VPS9D1: variants seen among roughly 807,000 people sequenced by gnomAD.
VPS9D1 encodes the protein VPS9 domain-containing protein 1.
VPS9D1 carries 78 observed loss-of-function variants against 75.8 expected under a neutral mutation model. The ratio of observed to expected loss-of-function variants is 1.03; its 90% CI spans 0.86 to 1.24. VPS9D1 has a LOEUF of 1.24. Ranked by LOEUF, VPS9D1 falls within the 50% of genes most tolerant of loss-of-function variation. VPS9D1 has a pLI of 0.00. For synonymous variants in VPS9D1, 481 were observed against 385.6 expected (o/e 1.25, Z -2.90); for missense variants, 1,057 against 847.7 (o/e 1.25, Z -3.07).
chr16:89,712,276 A>G, intron 6 of VPS9D1, 177 bp from the exon 7 acceptor site: 2 of 1,320,652 alleles, frequency 1.5e-6, no homozygotes, highest in Admixed American at 2.3e-5. Flanking sequence ...GGGCCGGGCC[A>G]GAGAACATGG....
chr16:89,708,644 C>T lies in VPS9D1; in HGVS notation c.1698-113G>A, dbSNP rs992069225. 3.6e-5 allele frequency: 45 copies of T among 1,233,106 alleles called. No individual in the cohort carries two copies. The Middle Eastern group carries it at 1.0e-3, about 28-fold the overall frequency. The allele number at this position is 1,233,106 out of a possible 1,614,324, so 76.4% of individuals were successfully genotyped here. A position where few individuals can be genotyped will look rare whatever the true frequency, so the allele number is the denominator to read the frequency against. On this transcript the variant is annotated intron_variant, in intron 13 of 14. Coordinates refer to ENST00000389386, the MANE Select transcript of VPS9D1 (RefSeq NM_004913.3). ...TGGCCGCCATCTCTGTGCCCTTCTG[C>T]GCAGAGGCACCGGAAGGCAGCTGGG...
intron 2 of VPS9D1, 58 bp downstream of exon 2, chr16:89,718,969 C>G: frequency 6.8e-7 from 1 of 1,471,710 alleles, no homozygotes; most frequent in Non-Finnish European, 9.4e-7. Flanking sequence ...CCGCCTCTGC[C>G]TCCCACAGTG....
At chr16:89,711,099 C>A in intron 9 of VPS9D1, 89 bp from the exon 10 acceptor site, 1 of 1,330,490 alleles carries the variant, frequency 7.5e-7, no homozygotes, top group Non-Finnish European at 9.9e-7. Flanking sequence ...TTCAGAGAAG[C>A]GACTTGCATT....
rs187022305 is a variant in VPS9D1, at chr16:89,708,326, C to T, written c.1802+101G>A. ...AAGGCATGGCTGTGACGGAGCCACACGCTACCCTCCCCAGCTGCTACTGAC... is the reference window on the plus strand; with the variant it reads ...AAGGCATGGCTGTGACGGAGCCACATGCTACCCTCCCCAGCTGCTACTGAC... On this transcript the variant is annotated intron_variant, in intron 14 of 14. Coordinates refer to ENST00000389386, the MANE Select transcript of VPS9D1 (RefSeq NM_004913.3). 1.9e-4 allele frequency: 232 copies of T among 1,191,466 alleles called. 2 individuals are homozygous for T. The highest frequency in any genetic ancestry group is 1.1e-4 in the Admixed American group (5 of 46,664). 73.8% of individuals were successfully genotyped at this position (1,191,466 alleles called of 1,614,324 possible). A position where few individuals can be genotyped will look rare whatever the true frequency, so the allele number is the denominator to read the frequency against.
At chr16:89,719,661 C>CT (rs1269628375) in intron 1 of VPS9D1, among the ~76,000 whole-genome samples, 1 of 152,166 alleles carries the variant, frequency 6.6e-6, no homozygotes, top group Non-Finnish European at 1.5e-5. Context: ...GAACTGTTAC[C>CT]TTTCAAGGCT....
rs554524289 is a variant in VPS9D1 at position 89,711,866 on chromosome 16, C to A, written c.747+16G>T. ...CTGGGCTCCTCCTACAAAGCCTGGG[C>A]CCGTGGGGGACGCACATGGTCCTGT... is the stretch of plus-strand genomic sequence containing the variant. On this transcript the variant is annotated intron_variant, in intron 8 of 14. Coordinates refer to ENST00000389386, the MANE Select transcript of VPS9D1 (RefSeq NM_004913.3). 10 of 1,549,610 alleles carry A rather than the reference C, an allele frequency of 6.5e-6. No homozygotes were observed. Among genetic ancestry groups the A allele is most frequent in the Non-Finnish European group, 8.7e-6 (10 of 1,146,208 alleles).
At chr16:89,712,563 C>G (rs761161828) in intron 5 of VPS9D1, 41 bp from the exon 6 acceptor site, 2 of 1,609,454 alleles carry the variant, frequency 1.2e-6, no homozygotes, top group South Asian at 2.2e-5. Context: ...CCCCTCTGCC[C>G]CGCGCCCACG....
rs771189332 is a variant in VPS9D1 at position 89,710,660 on chromosome 16, C to A, written c.1184G>T (p.Arg395Leu). 9 of 1,611,574 alleles carry A rather than the reference C, an allele frequency of 5.6e-6. No individual in the cohort carries two copies. The African/African-American group carries it at 1.1e-4, about 19-fold the overall frequency. The change falls in exon 10 of 15, where the codon CGG becomes CTG. Residue 395 changes from arginine to leucine, a missense_variant. Coordinates refer to ENST00000389386, the MANE Select transcript of VPS9D1 (RefSeq NM_004913.3). ...GGGCTCCGGCTGTACCCCACGGCCC[C>A]GGCCCTGCCGCTCAGACGTCCCCAG... is the stretch of plus-strand genomic sequence containing the variant. ...QFLGTSERQGRGRGVQPEPQL... is the reference protein window; with the variant it reads ...QFLGTSERQGLGRGVQPEPQL...
chr16:89,710,006 C>G, intron 10 of VPS9D1, 100 bp from the exon 11 acceptor site: 1 of 1,489,688 alleles, frequency 6.7e-7, no homozygotes. Context: ...AAACCTCTTT[C>G]CACCGCCTTC....
intron 2 of VPS9D1, chr16:89,717,048 AACTG>A (rs2151638046): frequency 9.4e-6 from 2 of 213,644 alleles, no homozygotes; most frequent in South Asian, 3.9e-5. Flanking sequence ...CCCGTCCCCC[AACTG>A]ACTGACCCTA....
intron 8 of VPS9D1, 95 bp from the exon 9 acceptor site, chr16:89,711,507 G>A: frequency 7.9e-7 from 1 of 1,259,420 alleles, no homozygotes; most frequent in Non-Finnish European, 1.1e-6. Flanking sequence ...GAGACTGTGG[G>A]AGCCCGTCCT....
chr16:89,712,398 C>T, intron 6 of VPS9D1, 62 bp downstream of exon 6: 2 of 1,604,708 alleles, frequency 1.2e-6, no homozygotes, highest in South Asian at 2.2e-5. Context: ...CCTTCTCTGC[C>T]CTTGGCTCAA....
chr16:89,715,461 C>T (rs1311323317), intron 4 of VPS9D1, among the ~76,000 whole-genome samples: 1 of 151,812 alleles, frequency 6.6e-6, no homozygotes, highest in Non-Finnish European at 1.5e-5. Context: ...CTCCTGACCT[C>T]ATGATCCACC....
chr16:89,709,976 G>A (rs945968924), intron 10 of VPS9D1, 70 bp from the exon 11 acceptor site: 23 of 1,522,632 alleles, frequency 1.5e-5, no homozygotes, highest in South Asian at 1.4e-4. Context: ...TCTAAGCCAC[G>A]GGGCCTTTCT....
At position 89,710,618 on chromosome 16, in the gene VPS9D1, T is replaced by C; in HGVS notation, c.1226A>G (p.Lys409Arg). The change falls in exon 10 of 15, where the codon AAG becomes AGG. Residue 409 changes from lysine to arginine, a missense_variant. Transcript: ENST00000389386. Reference sequence around the variant, plus strand: ...ATTGTGGATCTCCTCCACCGCGGTCTTCAGCTGCTGCAGCTGGGGCTCCGG... The same window carrying C: ...ATTGTGGATCTCCTCCACCGCGGTCCTCAGCTGCTGCAGCTGGGGCTCCGG... Reference protein sequence around the residue: ...VQPEPQLQQLKTAVEEIHNAV... With the variant: ...VQPEPQLQQLRTAVEEIHNAV... 6.2e-7 allele frequency: 1 copy of C among 1,608,902 alleles called. No individual in the cohort carries two copies. The highest frequency in any genetic ancestry group is 8.5e-7 in the Non-Finnish European group (1 of 1,176,684).
At position 89,711,154 on chromosome 16, in the gene VPS9D1, T is replaced by G. The variant is rs978718300; in HGVS notation, c.834-144A>C. 4 of 1,161,176 alleles carry G rather than the reference T, an allele frequency of 3.4e-6. No homozygotes were observed. The African/African-American group carries it at 4.9e-5, about 14-fold the overall frequency. 71.9% of individuals were successfully genotyped at this position (1,161,176 alleles called of 1,614,324 possible). A position where few individuals can be genotyped will look rare whatever the true frequency, so the allele number is the denominator to read the frequency against. ...TGGAAAGTCTGCCCCCCGCCCCCGC[T>G]GGGGAGGTTGGAGAAGCCGAGGAAA... On this transcript the variant is annotated intron_variant, in intron 9 of 14. Coordinates refer to ENST00000389386, the MANE Select transcript of VPS9D1 (RefSeq NM_004913.3).
At chr16:89,720,428 C>T (rs1024633877) in intron 1 of VPS9D1, 1 of 1,034,532 alleles carries the variant, frequency 9.7e-7, no homozygotes, top group South Asian at 4.6e-5. Context: ...CAGAAAAATG[C>T]ACGAACGCAC....
chr16:89,716,761 C>T lies in VPS9D1; in HGVS notation c.237G>A (p.Leu79=). The change falls in exon 3 of 15, where the codon CTG becomes CTA. Residue 79 remains leucine (L), a synonymous_variant. Transcript: ENST00000389386. ...SKMLKLAQQC[L]ERAQSTAAKL... is the part of the protein sequence containing the mutation. ...TGGCGGCCGTCGACTGGGCCCTCTC[C>T]AGACACTGCTGTGCTAGCTTCAGCA... The T allele has an allele frequency of 6.3e-7, 1 of 1,593,018 alleles. No homozygotes were observed. Among genetic ancestry groups the T allele is most frequent in the Non-Finnish European group, 8.5e-7 (1 of 1,171,696 alleles).
chr16:89,712,811 GC>G, intron 4 of VPS9D1, 95 bp from the exon 5 acceptor site: 2 of 1,140,482 alleles, frequency 1.8e-6, no homozygotes, highest in Non-Finnish European at 2.4e-6. Context: ...TTGCTCTGAG[GC>G]CAGGAGGTGA....
Sources: gnomAD v4.1 joint callset for allele counts (sites outside exome capture counted in the v4.1 genomes callset) on GRCh38, gnomAD v4.1.1 for gene constraint, MANE v1.5 for transcripts, NCBI Gene and HGNC (gene_info 2026-07-23, HGNC 2026-07-21) for gene names.